CHST11: variants seen among roughly 807,000 people sequenced by gnomAD.
The protein encoded by CHST11 is carbohydrate sulfotransferase 11.
In CHST11, 9 loss-of-function variants were observed where a neutral mutation model predicts 30.4. That is an observed-to-expected ratio of 0.30 (90% CI 0.18 to 0.52). The LOEUF (loss-of-function observed/expected upper bound fraction) is 0.52. Ranked by LOEUF, CHST11 falls within the 20% of genes least tolerant of loss-of-function variation. The pLI, the probability that CHST11 is intolerant of heterozygous loss-of-function variation, is 0.97. For synonymous variants in CHST11, 152 were observed against 187.8 expected (o/e 0.81, Z 1.56); for missense variants, 348 against 460.6 (o/e 0.76, Z 2.24).
intron 2 of CHST11, among the ~76,000 whole-genome samples, chr12:104,642,256 T>A (rs1293460999): frequency 6.6e-6 from 1 of 151,990 alleles, no homozygotes; most frequent in Non-Finnish European, 1.5e-5. Flanking sequence ...AGAATGGCAG[T>A]ATGGGAGTAT....
At chr12:104,611,523 G>A (rs1477303365) in intron 2 of CHST11, among the ~76,000 whole-genome samples, 1 of 152,218 alleles carries the variant, frequency 6.6e-6, no homozygotes. Context: ...GGGGTGTCCA[G>A]TAGCTACTAT....
intron 1 of CHST11, among the ~76,000 whole-genome samples, chr12:104,544,480 G>T (rs2038322973): frequency 6.6e-6 from 1 of 152,082 alleles, no homozygotes; most frequent in Admixed American, 6.5e-5. Context: ...ACTTTGGCGG[G>T]GGGATCACCT....
chr12:104,729,900 G>A lies in CHST11; in HGVS notation c.205-27049G>A, dbSNP rs926948826. ...GAGGGCAAGGCCTCCTCCTCTGGCC[G>A]TGCGTGTCTGGCTGCTGGTTGGTGT... On this transcript the variant is annotated intron_variant, in intron 2 of 2. Coordinates refer to ENST00000303694, the MANE Select transcript of CHST11 (RefSeq NM_018413.6). The surrounding 1 kb of genome is among the most constrained non-coding windows in gnomAD (Gnocchi z 4.0). 2.6e-5 allele frequency among the ~76,000 whole-genome samples: 4 copies of A among 152,208 alleles called. No individual in the cohort carries two copies. The highest frequency in any genetic ancestry group is 6.5e-5 in the Admixed American group (1 of 15,284).
At chr12:104,632,911 C>A (rs2039284798) in intron 2 of CHST11, among the ~76,000 whole-genome samples, 1 of 152,208 alleles carries the variant, frequency 6.6e-6, no homozygotes, top group South Asian at 2.1e-4. Flanking sequence ...TGGCTGCGGT[C>A]CTCCCTGGAG....
At chr12:104,740,468 G>A (rs1327207119) in intron 2 of CHST11, among the ~76,000 whole-genome samples, 1 of 152,092 alleles carries the variant, frequency 6.6e-6, no homozygotes, top group Non-Finnish European at 1.5e-5. Flanking sequence ...CCCTCTTTTT[G>A]CTCTGCTGTC....
chr12:104,580,221 A>T (rs7315708), intron 1 of CHST11, among the ~76,000 whole-genome samples: 1 of 152,088 alleles, frequency 6.6e-6, no homozygotes, highest in African/African-American at 2.4e-5. Flanking sequence ...AAGAAGGAAG[A>T]TTTCAGGCTT....
At chr12:104,725,002 G>A (rs1280303592) in intron 2 of CHST11, among the ~76,000 whole-genome samples, 1 of 152,118 alleles carries the variant, frequency 6.6e-6, no homozygotes, top group Admixed American at 6.5e-5. Context: ...AGTGTGTCTT[G>A]GTGCTTTAGG....
chr12:104,608,462 G>A (rs957977167), intron 2 of CHST11, among the ~76,000 whole-genome samples: 1 of 152,040 alleles, frequency 6.6e-6, no homozygotes, highest in Non-Finnish European at 1.5e-5. Context: ...AAGCCCTCTT[G>A]AGCACACGGC....
At chr12:104,478,523 C>T (rs1461136629) in intron 1 of CHST11, among the ~76,000 whole-genome samples, 1 of 152,090 alleles carries the variant, frequency 6.6e-6, no homozygotes, top group Non-Finnish European at 1.5e-5. Context: ...GAGATGGAAG[C>T]GGATGAGGGG....
intron 1 of CHST11, among the ~76,000 whole-genome samples, chr12:104,589,934 G>C (rs1055512738): frequency 6.6e-6 from 1 of 152,090 alleles, no homozygotes; most frequent in Non-Finnish European, 1.5e-5. Flanking sequence ...GCTTGAATCC[G>C]GGAGGAGGAG....
intron 2 of CHST11, among the ~76,000 whole-genome samples, chr12:104,647,792 G>C (rs2039449355): frequency 6.6e-6 from 1 of 152,202 alleles, no homozygotes; most frequent in East Asian, 1.9e-4. Flanking sequence ...GGGGTCTGTG[G>C]TTTGGGCTGT....
intron 1 of CHST11, among the ~76,000 whole-genome samples, chr12:104,489,976 C>T (rs900600803): frequency 6.6e-6 from 1 of 152,204 alleles, no homozygotes; most frequent in African/African-American, 2.4e-5. Flanking sequence ...GGCACACAAA[C>T]ATTCATGCAG....
At chr12:104,594,675 G>C (rs1219388449) in intron 1 of CHST11, among the ~76,000 whole-genome samples, 1 of 152,180 alleles carries the variant, frequency 6.6e-6, no homozygotes, top group Non-Finnish European at 1.5e-5. Flanking sequence ...AGGAGAGTAG[G>C]GCTTGACGTG....
chr12:104,507,137 G>T (rs898490750), intron 1 of CHST11, among the ~76,000 whole-genome samples: 2 of 152,166 alleles, frequency 1.3e-5, no homozygotes. Context: ...AGGGACAGGT[G>T]GGGTAAGCTC....
intron 2 of CHST11, among the ~76,000 whole-genome samples, chr12:104,709,126 C>T (rs1267942056): frequency 6.6e-6 from 1 of 152,206 alleles, no homozygotes; most frequent in Non-Finnish European, 1.5e-5. Context: ...ATGTCAATGA[C>T]AAAGAAACTG....
chr12:104,746,508 C>A (rs969060907), intron 2 of CHST11, among the ~76,000 whole-genome samples: 1 of 152,342 alleles, frequency 6.6e-6, no homozygotes, highest in East Asian at 1.9e-4. Context: ...ACACCAGGCC[C>A]TCCATCACTA....
chr12:104,506,299 A>G (rs761406042), intron 1 of CHST11, among the ~76,000 whole-genome samples: 2 of 152,238 alleles, frequency 1.3e-5, no homozygotes, highest in Non-Finnish European at 2.9e-5. Flanking sequence ...TTCAAAGTCC[A>G]ACATTGCCAC....
chr12:104,701,339 C>T (rs2039989190), intron 2 of CHST11, among the ~76,000 whole-genome samples: 2 of 152,108 alleles, frequency 1.3e-5, no homozygotes, highest in African/African-American at 4.8e-5. Context: ...CATAATAAGA[C>T]ATCTCTTATA....
intron 1 of CHST11, among the ~76,000 whole-genome samples, chr12:104,575,937 G>A (rs1365167139): frequency 6.6e-6 from 1 of 151,730 alleles, no homozygotes; most frequent in Non-Finnish European, 1.5e-5. Context: ...TCTATTGTTA[G>A]AAACCAAAGC....
Sources: gnomAD v4.1 joint callset for allele counts (sites outside exome capture counted in the v4.1 genomes callset) on GRCh38, gnomAD v4.1.1 for gene constraint, Gnocchi (gnomAD v3.1) non-coding constraint, MANE v1.5 for transcripts, NCBI Gene and HGNC (gene_info 2026-07-23, HGNC 2026-07-21) for gene names.